The following BBOF1 variants were observed in gnomAD, a reference collection of about 807,000 sequenced individuals.
The protein encoded by BBOF1 is basal body orientation factor 1.
Under a neutral mutation model 68.0 loss-of-function variants are expected in BBOF1, and 62 were observed. The ratio of observed to expected loss-of-function variants is 0.91; its 90% CI spans 0.74 to 1.13. The LOEUF (loss-of-function observed/expected upper bound fraction) is 1.13. Among genes scored for constraint, BBOF1 ranks in the 50% most tolerant of loss-of-function variants. The probability of loss-of-function intolerance (pLI) is 0.00; values close to 1 mark genes in which losing one functional copy is unlikely to be tolerated. For missense variants in BBOF1, 534 were observed against 600.1 expected (o/e 0.89, Z 1.15); for synonymous variants, 208 against 198.8 (o/e 1.05, Z -0.39).
At chr14:74,045,842 A>T (rs950338381) in intron 5 of BBOF1, among the ~76,000 whole-genome samples, 2 of 152,012 alleles carry the variant, frequency 1.3e-5, no homozygotes, top group Admixed American at 1.3e-4. Flanking sequence ...TCCCCTATTT[A>T]TATGTCATAT....
At chr14:74,048,880 A>G (rs745627228) in intron 7 of BBOF1, among the ~76,000 whole-genome samples, 9 of 151,904 alleles carry the variant, frequency 5.9e-5, no homozygotes, top group Non-Finnish European at 1.2e-4. Context: ...ATATAGTTAT[A>G]GAGAGAGAGA....
intron 11 of BBOF1, among the ~76,000 whole-genome samples, chr14:74,061,921 G>A (rs943347751): frequency 2.6e-5 from 4 of 151,798 alleles, no homozygotes; most frequent in Non-Finnish European, 5.9e-5. Flanking sequence ...ATTAAACTGG[G>A]GGGTGCAGCC....
chr14:74,063,797 C>T lies in BBOF1; in HGVS notation c.1579-891C>T, dbSNP rs1163471917. 1.3e-5 allele frequency among the ~76,000 whole-genome samples: 2 copies of T among 148,650 alleles called. 1 individual carries two copies. The highest frequency in any genetic ancestry group is 4.3e-4 in the South Asian group (2 of 4,630). ...AGGAGAATTGCTTGAACCTGGGAGG[C>T]GGAGGTTGCAGTGAGCCAAGATTGT... On this transcript the variant is annotated intron_variant, in intron 11 of 11. Transcript: ENST00000394009.
chr14:74,047,856 T>C, intron 6 of BBOF1, 74 bp from the exon 7 acceptor site: 1 of 1,364,636 alleles, frequency 7.3e-7, no homozygotes, highest in Non-Finnish European at 9.9e-7. Flanking sequence ...GTGCAGGTGG[T>C]GAAGCAATCA....
chr14:74,047,661 A>C (rs2059981204), intron 6 of BBOF1, among the ~76,000 whole-genome samples: 1 of 152,000 alleles, frequency 6.6e-6, no homozygotes, highest in African/African-American at 2.4e-5. Flanking sequence ...CTGGTCCCAA[A>C]TTCCTAGGCT....
chr14:74,050,253 A>G (rs2060037613), intron 8 of BBOF1, 58 bp downstream of exon 8: 2 of 1,499,504 alleles, frequency 1.3e-6, no homozygotes, highest in Non-Finnish European at 1.8e-6. Flanking sequence ...CTTTACAGAA[A>G]GAGGAAGTCT....
chr14:74,060,698 CTT>C, intron 11 of BBOF1: 1 of 1,613,882 alleles, frequency 6.2e-7, no homozygotes, highest in Non-Finnish European at 8.5e-7. Flanking sequence ...GCATCTTCTT[CTT>C]TCCACTGAGA....
intron 8 of BBOF1, among the ~76,000 whole-genome samples, chr14:74,050,809 A>G (rs1241858584): frequency 6.6e-6 from 1 of 152,186 alleles, no homozygotes; most frequent in African/African-American, 2.4e-5. Flanking sequence ...AAAAAAATCA[A>G]TATAACAATT....
intron 11 of BBOF1, chr14:74,059,084 C>CAAAA (rs35760969): frequency 1.6e-4 from 8 of 49,726 alleles, no homozygotes; most frequent in Non-Finnish European, 1.9e-4. Flanking sequence ...AACTCCATCT[C>CAAAA]AAAAAAAAAA....
In BBOF1 at chr14:74,049,729, A is replaced by G. The variant is rs2060024336; in HGVS notation, c.820A>G (p.Lys274Glu). The G allele has an allele frequency of 1.2e-6, 2 of 1,608,568 alleles. No individual in the cohort carries two copies. The highest frequency in any genetic ancestry group is 1.7e-6 in the Non-Finnish European group (2 of 1,177,954). Reference protein sequence around the residue: ...KEINDLLVKEKIMQLVQQRSQ... With the variant: ...KEINDLLVKEEIMQLVQQRSQ... ...GATCAATGATCTGTTGGTTAAGGAA[A>G]AGATTATGCAACTTGTCCAGCAGAG... The change falls in exon 8 of 12, where the codon AAG becomes GAG. Residue 274 changes from lysine to glutamate, a missense_variant. Transcript: ENST00000394009.
intron 12 of BBOF1, among the ~76,000 whole-genome samples, chr14:74,082,548 C>T (rs1318110534): frequency 6.6e-6 from 1 of 151,810 alleles, no homozygotes; most frequent in African/African-American, 2.4e-5. Context: ...TACAGTCGCC[C>T]GCCACCACAC....
chr14:74,032,886 GTTA>G, intron 3 of BBOF1, among the ~76,000 whole-genome samples: 1 of 151,976 alleles, frequency 6.6e-6, no homozygotes, highest in East Asian at 1.9e-4. Flanking sequence ...TTCATTTGTT[GTTA>G]TTGGCCTTTC....
intron 2 of BBOF1, among the ~76,000 whole-genome samples, chr14:74,026,444 C>CAAAAAA (rs1166375665): frequency 5.8e-4 from 19 of 32,982 alleles, no homozygotes; most frequent in South Asian, 2.7e-3. Context: ...AACTCCATCT[C>CAAAAAA]AAAAAAAAAA....
intron 9 of BBOF1, chr14:74,074,923 C>G: frequency 1.2e-6 from 2 of 1,604,868 alleles, no homozygotes; most frequent in South Asian, 2.2e-5. Context: ...AATTCCTTCT[C>G]AGAAGTCAAC....
intron 9 of BBOF1, among the ~76,000 whole-genome samples, chr14:74,075,179 C>T (rs2060598637): frequency 1.3e-5 from 2 of 152,084 alleles, no homozygotes; most frequent in African/African-American, 4.8e-5. Flanking sequence ...TATGACACAG[C>T]AAACTATGAA....
At chr14:74,064,460 T>TTGGAGGAGATTTTC (rs2060426041) in intron 11 of BBOF1, among the ~76,000 whole-genome samples, 1 of 151,788 alleles carries the variant, frequency 6.6e-6, no homozygotes, top group Non-Finnish European at 1.5e-5. Context: ...GTGGTGGTAG[T>TTGGAGGAGATTTTC]TGGAGGAGAT....
chr14:74,067,306 A>T, downstream of BBOF1: 1 of 1,524,312 alleles, frequency 6.6e-7, no homozygotes, highest in Non-Finnish European at 9.1e-7. Flanking sequence ...CCACTGGCCA[A>T]GGCCAGTGAC....
intron 11 of BBOF1, among the ~76,000 whole-genome samples, chr14:74,062,989 C>T (rs1299557051): frequency 6.6e-6 from 1 of 152,138 alleles, no homozygotes; most frequent in African/African-American, 2.4e-5. Context: ...ATAACAACTA[C>T]AGTCTGATGA....
At chr14:74,029,049 C>A in intron 2 of BBOF1, 135 bp from the exon 3 acceptor site, 2 of 569,648 alleles carry the variant, frequency 3.5e-6, no homozygotes, top group Non-Finnish European at 6.3e-6. Flanking sequence ...AATTTCCTGT[C>A]CCCTCTTCTC....
Sources: gnomAD v4.1 joint callset for allele counts (sites outside exome capture counted in the v4.1 genomes callset) on GRCh38, gnomAD v4.1.1 for gene constraint, MANE v1.5 for transcripts, NCBI Gene and HGNC (gene_info 2026-07-23, HGNC 2026-07-21) for gene names.